The following ITSN1 variants were observed in gnomAD, a reference collection of about 807,000 sequenced individuals.
ITSN1 encodes the protein intersectin 1.
A neutral mutation model predicts 239.8 loss-of-function variants in ITSN1; 58 were observed. The observed-to-expected ratio is 0.24, with a 90% CI of 0.20 to 0.30. The LOEUF (loss-of-function observed/expected upper bound fraction) is 0.30. Among genes scored for constraint, ITSN1 ranks in the 10% least tolerant of loss-of-function variants. ITSN1 has a pLI of 1.00. For missense variants in ITSN1, 1,558 were observed against 2,103.3 expected (o/e 0.74, Z 5.07); for synonymous variants, 780 against 770.8 (o/e 1.01, Z -0.20).
At chr21:33,819,976 G>A (rs1383485860) in intron 24 of ITSN1, among the ~76,000 whole-genome samples, 3 of 152,080 alleles carry the variant, frequency 2.0e-5, no homozygotes, top group African/African-American at 4.8e-5. Flanking sequence ...GCGACAGAGC[G>A]AGACTCCGTC....
intron 26 of ITSN1, 153 bp from the exon 27 acceptor site, chr21:33,829,471 G>A (rs1051932071): frequency 1.2e-5 from 9 of 761,694 alleles, no homozygotes; most frequent in African/African-American, 5.2e-5. Flanking sequence ...GGGAACGGGC[G>A]ATTCAGGGAG....
chr21:33,887,433 A>G (rs1476513504), intron 39 of ITSN1, among the ~76,000 whole-genome samples: 1 of 152,068 alleles, frequency 6.6e-6, no homozygotes, highest in Non-Finnish European at 1.5e-5. Flanking sequence ...ATGGCTCCAT[A>G]TGGCCTTCAT....
intron 5 of ITSN1, among the ~76,000 whole-genome samples, chr21:33,739,859 T>C (rs964925717): frequency 6.6e-6 from 1 of 152,198 alleles, no homozygotes; most frequent in Non-Finnish European, 1.5e-5. Context: ...GATAGACTTA[T>C]CTGTGTTATC....
intron 1 of ITSN1, among the ~76,000 whole-genome samples, chr21:33,659,144 A>G (rs1458260515): frequency 1.3e-5 from 2 of 152,194 alleles, no homozygotes; most frequent in African/African-American, 4.8e-5. Context: ...TGCCTATGCA[A>G]TGAAATTGCA....
At chr21:33,706,539 AAG>A (rs1250089161) in intron 1 of ITSN1, among the ~76,000 whole-genome samples, 1 of 151,978 alleles carries the variant, frequency 6.6e-6, no homozygotes, top group African/African-American at 2.4e-5. Context: ...TTTTCCAGTA[AAG>A]CATTTTGGAT....
intron 14 of ITSN1, among the ~76,000 whole-genome samples, chr21:33,777,242 T>A (rs1458116145): frequency 6.6e-6 from 1 of 152,224 alleles, no homozygotes; most frequent in African/African-American, 2.4e-5. Flanking sequence ...TTTTTCCCAT[T>A]GAGTTACCTT....
chr21:33,693,052 T>C (rs1051883274), intron 1 of ITSN1, among the ~76,000 whole-genome samples: 13 of 151,998 alleles, frequency 8.6e-5, no homozygotes, highest in African/African-American at 3.1e-4. Context: ...CCACCTCGCC[T>C]CCCGAAGTGC....
Position 33,753,761 on chromosome 21 carries a change from TAAAAA to T in ITSN1, c.624-1512_624-1508del, listed in dbSNP as rs760085854. On this transcript the variant is annotated intron_variant, in intron 7 of 39. Coordinates refer to ENST00000381318, the MANE Select transcript of ITSN1 (RefSeq NM_003024.3). ...TGGGTGACACGGCAAGTCTCTTTCT[TAAAAA>T]AAAAAAAAAAAAAAAAAAAAAAATT... Among the ~76,000 whole-genome samples, 761 of 81,762 alleles carry T rather than the reference TAAAAA, an allele frequency of 9.3e-3. 13 individuals are homozygous for T. The highest frequency in any genetic ancestry group is 0.041 in the African/African-American group (722 of 17,572). The allele number at this position is 81,762 out of a possible 152,430, so 53.6% of individuals were successfully genotyped here.
In ITSN1 at chr21:33,883,488, C is replaced by T. The variant is rs894860035; in HGVS notation, c.4555-62C>T. On this transcript the variant is annotated intron_variant, in intron 35 of 39. Transcript: ENST00000381318. ...TGGCATAAGTGTGCTCACACACTCA[C>T]GGTTTACCGGAGCACACAGACCCCC... 30 of 1,595,126 alleles carry T rather than the reference C, an allele frequency of 1.9e-5. No individual in the cohort carries two copies. The South Asian group carries it at 2.9e-4, about 15-fold the overall frequency.
chr21:33,857,926 T>C (rs1413628832), intron 30 of ITSN1, among the ~76,000 whole-genome samples: 1 of 152,116 alleles, frequency 6.6e-6, no homozygotes, highest in African/African-American at 2.4e-5. Flanking sequence ...CAGCCAAGTT[T>C]ATGTCGAAGA....
intron 16 of ITSN1, 42 bp downstream of exon 16, chr21:33,782,175 A>G: frequency 1.9e-6 from 3 of 1,588,254 alleles, no homozygotes; most frequent in Non-Finnish European, 2.6e-6. Flanking sequence ...CCTACCTTTA[A>G]TTTTTTTAAC....
intron 34 of ITSN1, among the ~76,000 whole-genome samples, chr21:33,876,594 A>G (rs1001855172): frequency 6.6e-6 from 1 of 152,150 alleles, no homozygotes; most frequent in Admixed American, 6.5e-5. Context: ...TTATTTCTTA[A>G]CACATTTTAA....
chr21:33,724,916 A>G (rs1414347358), intron 4 of ITSN1, among the ~76,000 whole-genome samples: 1 of 151,856 alleles, frequency 6.6e-6, no homozygotes, highest in Non-Finnish European at 1.5e-5. Flanking sequence ...TTGCCTCCCA[A>G]AGTGCTGGGA....
chr21:33,828,684 A>G (rs983346430), intron 26 of ITSN1, among the ~76,000 whole-genome samples: 8 of 151,652 alleles, frequency 5.3e-5, no homozygotes, highest in African/African-American at 1.7e-4. Context: ...CACAAACCAC[A>G]CTTGGAGAGC....
At chr21:33,886,513 G>C (rs571188060) in intron 39 of ITSN1, 53 bp downstream of exon 39, 2 of 1,437,256 alleles carry the variant, frequency 1.4e-6, no homozygotes, top group African/African-American at 1.4e-5. Context: ...ACTCGTTTGC[G>C]TGGGTTAATG....
intron 6 of ITSN1, among the ~76,000 whole-genome samples, chr21:33,750,866 TTTAG>T (rs1255472139): frequency 6.6e-6 from 1 of 152,240 alleles, no homozygotes; most frequent in African/African-American, 2.4e-5. Flanking sequence ...TCTTTTTTCC[TTTAG>T]TTAAAGTATA....
chr21:33,667,950 G>A (rs945258573), intron 1 of ITSN1, among the ~76,000 whole-genome samples: 2 of 152,138 alleles, frequency 1.3e-5, no homozygotes, highest in Non-Finnish European at 2.9e-5. Flanking sequence ...CAGATGGTTA[G>A]AAGACAGATA....
intron 23 of ITSN1, among the ~76,000 whole-genome samples, chr21:33,818,967 C>T (rs1178686561): frequency 2.0e-5 from 3 of 152,164 alleles, no homozygotes; most frequent in African/African-American, 4.8e-5. Flanking sequence ...CAAAAATATT[C>T]AATGAGCATC....
chr21:33,857,459 C>T (rs1036761768), intron 30 of ITSN1, among the ~76,000 whole-genome samples: 2 of 152,224 alleles, frequency 1.3e-5, no homozygotes, highest in Non-Finnish European at 2.9e-5. Context: ...TCCTGCTGCT[C>T]AGCAGGCCTT....
Sources: allele counts gnomAD v4.1 joint callset (sites outside exome capture counted in the v4.1 genomes callset), GRCh38; gene constraint gnomAD v4.1.1; transcripts MANE v1.5; gene names NCBI Gene and HGNC (gene_info 2026-07-23, HGNC 2026-07-21).